Variants in GTF2B observed in about 807,000 individuals in gnomAD.
GTF2B encodes the protein general transcription factor IIB.
In GTF2B, 20 loss-of-function variants were observed where a neutral mutation model predicts 34.6. The observed-to-expected ratio is 0.58, with a 90% CI of 0.41 to 0.84. The LOEUF (loss-of-function observed/expected upper bound fraction) is 0.84, where lower values mean the gene tolerates loss of function less well. Ranked by LOEUF, GTF2B falls within the 40% of genes least tolerant of loss-of-function variation. GTF2B has a pLI of 0.00. For missense variants in GTF2B, 237 were observed against 393.3 expected (o/e 0.60, Z 3.36); for synonymous variants, 142 against 132.4 (o/e 1.07, Z -0.50).
chr1:88,882,809 G>A (rs577143030), intron 2 of GTF2B, among the ~76,000 whole-genome samples: 2 of 152,272 alleles, frequency 1.3e-5, no homozygotes, highest in South Asian at 2.1e-4. Context: ...TCATAGAATT[G>A]TATTACATTC....
intron 3 of GTF2B, 135 bp downstream of exon 3, chr1:88,863,843 AATG>A: frequency 2.8e-6 from 2 of 709,354 alleles, no homozygotes; most frequent in Non-Finnish European, 4.9e-6. Context: ...CATCATTCAC[AATG>A]ATATTACTGG....
At chr1:88,877,543 T>C (rs781142426) in intron 2 of GTF2B, among the ~76,000 whole-genome samples, 2 of 152,212 alleles carry the variant, frequency 1.3e-5, no homozygotes, top group African/African-American at 2.4e-5. Context: ...ATTATCTAAA[T>C]ACAATAATAC....
At position 88,853,149 on chromosome 1, in the gene GTF2B, T is replaced by C. The variant is rs531924727; in HGVS notation, c.*64A>G. On this transcript the variant is annotated 3_prime_UTR_variant, in exon 7 of 7. Transcript: ENST00000370500. The stretch of plus-strand genomic sequence containing the variant: ...CTCATGAAAGGCTCAACCCAGCATT[T>C]TGTATAGGCTATGTACAACAGGCAA... 2.0e-6 allele frequency: 3 copies of C among 1,476,548 alleles called. No homozygotes were observed. In the East Asian group the frequency reaches 6.8e-5, roughly 33 times the overall value. 91.5% of individuals were successfully genotyped at this position (1,476,548 alleles called of 1,614,324 possible).
rs570219909 is a variant in GTF2B, at chr1:88,874,890, G to A, written c.125-10776C>T. ...GAATCTGAACGTATTATTATTCAAC[G>A]TGGACAAACTCTAAACATCAAATAT... On this transcript the variant is annotated intron_variant, in intron 2 of 6. Transcript: ENST00000370500. 3.3e-5 allele frequency among the ~76,000 whole-genome samples: 5 copies of A among 151,600 alleles called. No homozygotes were observed. The East Asian group carries it at 9.7e-4, about 29-fold the overall frequency.
chr1:88,879,377 G>A (rs1015885975), intron 2 of GTF2B, among the ~76,000 whole-genome samples: 4 of 151,836 alleles, frequency 2.6e-5, no homozygotes, highest in South Asian at 2.1e-4. Context: ...TTAGGAGTTC[G>A]ATACCAGCCC....
At chr1:88,884,156 A>G (rs1674012576) in intron 2 of GTF2B, among the ~76,000 whole-genome samples, 1 of 151,556 alleles carries the variant, frequency 6.6e-6, no homozygotes, top group Non-Finnish European at 1.5e-5. Flanking sequence ...CCTCCCGAGT[A>G]AGCTGGGATT....
At chr1:88,872,566 T>C (rs1673722049) in intron 2 of GTF2B, among the ~76,000 whole-genome samples, 1 of 151,918 alleles carries the variant, frequency 6.6e-6, no homozygotes, top group Admixed American at 6.6e-5. Flanking sequence ...CCCAGTGCTA[T>C]GCACAATTCT....
At chr1:88,891,107 T>C (rs1303429215) in intron 1 of GTF2B, among the ~76,000 whole-genome samples, 1 of 65,574 alleles carries the variant, frequency 1.5e-5, no homozygotes, top group African/African-American at 6.4e-5. Flanking sequence ...GGGCCGTAGA[T>C]GAAAAAAACA....
At chr1:88,877,686 T>C (rs952787270) in intron 2 of GTF2B, among the ~76,000 whole-genome samples, 3 of 152,100 alleles carry the variant, frequency 2.0e-5, no homozygotes, top group African/African-American at 7.2e-5. Flanking sequence ...AATCCCAGCA[T>C]TCTGGGAAGC....
chr1:88,888,328 C>T (rs141477793), intron 1 of GTF2B, among the ~76,000 whole-genome samples: 136 of 152,246 alleles, frequency 8.9e-4, no homozygotes, highest in Middle Eastern at 6.8e-3. Context: ...GTGATATCTA[C>T]GGGAAAACTG....
chr1:88,886,227 G>A (rs1674065281), intron 2 of GTF2B, among the ~76,000 whole-genome samples: 1 of 152,094 alleles, frequency 6.6e-6, no homozygotes, highest in African/African-American at 2.4e-5. Context: ...AGCCTTCTTG[G>A]ACCAAGTAAG....
At chr1:88,887,474 C>A (rs1177959719) in intron 1 of GTF2B, 107 bp from the exon 2 acceptor site, 1 of 733,802 alleles carries the variant, frequency 1.4e-6, no homozygotes, top group Non-Finnish European at 2.5e-6. Flanking sequence ...TTTTTTCATA[C>A]ATACAACTGT....
chr1:88,870,558 T>C (rs981976062), intron 2 of GTF2B, among the ~76,000 whole-genome samples: 1 of 148,928 alleles, frequency 6.7e-6, no homozygotes, highest in African/African-American at 2.6e-5. Context: ...AAAAATCTCA[T>C]TTTCTAACTA....
intron 2 of GTF2B, among the ~76,000 whole-genome samples, chr1:88,879,884 C>T (rs1013079408): frequency 6.6e-6 from 1 of 151,812 alleles, no homozygotes; most frequent in African/African-American, 2.4e-5. Context: ...GGTGAAACCC[C>T]GTCTCTACTA....
At chr1:88,856,637 A>T (rs941778801) in intron 6 of GTF2B, among the ~76,000 whole-genome samples, 1 of 152,196 alleles carries the variant, frequency 6.6e-6, no homozygotes, top group African/African-American at 2.4e-5. Flanking sequence ...AGGGAGAAAA[A>T]AGAACTTGTA....
chr1:88,880,161 T>C (rs1270562508), intron 2 of GTF2B, among the ~76,000 whole-genome samples: 15 of 152,220 alleles, frequency 9.9e-5, no homozygotes, highest in Admixed American at 9.8e-4. Flanking sequence ...ATCTAAAAAG[T>C]TTCAGACAAT....
At chr1:88,872,122 A>G (rs1673706190) in intron 2 of GTF2B, among the ~76,000 whole-genome samples, 1 of 152,178 alleles carries the variant, frequency 6.6e-6, no homozygotes, top group Non-Finnish European at 1.5e-5. Flanking sequence ...ATTGTCACAG[A>G]GAAGTAATCT....
chr1:88,876,520 A>G (rs748320338), intron 2 of GTF2B, among the ~76,000 whole-genome samples: 1 of 152,070 alleles, frequency 6.6e-6, no homozygotes, highest in Non-Finnish European at 1.5e-5. Flanking sequence ...AATATTAATA[A>G]TTTTTTAAAA....
chr1:88,854,244 T>C (rs1673252136), intron 6 of GTF2B, among the ~76,000 whole-genome samples: 1 of 152,210 alleles, frequency 6.6e-6, no homozygotes, highest in African/African-American at 2.4e-5. Context: ...TTCTACAATC[T>C]TTTTTTCTAC....
Sources: gnomAD v4.1 joint callset for allele counts (sites outside exome capture counted in the v4.1 genomes callset) on GRCh38, gnomAD v4.1.1 for gene constraint, MANE v1.5 for transcripts, NCBI Gene and HGNC (gene_info 2026-07-23, HGNC 2026-07-21) for gene names.